Variants in MAGI1 observed in about 807,000 individuals in gnomAD.
MAGI1 encodes the protein membrane-associated guanylate kinase, WW and PDZ domain-containing protein 1.
A neutral mutation model predicts 139.9 loss-of-function variants in MAGI1; 58 were observed. The ratio of observed to expected loss-of-function variants is 0.41; its 90% CI spans 0.34 to 0.52. The LOEUF (loss-of-function observed/expected upper bound fraction) is 0.52. Ranked by LOEUF, MAGI1 falls within the 20% of genes least tolerant of loss-of-function variation. MAGI1 has a pLI of 0.12. For missense variants in MAGI1, 1,874 were observed against 1,901.6 expected (o/e 0.99, Z 0.27); for synonymous variants, 812 against 737.9 (o/e 1.10, Z -1.63).
chr3:65,973,000 G>T lies in MAGI1; in HGVS notation c.313+64996C>A, dbSNP rs565593303. On this transcript the variant is annotated intron_variant, in intron 1 of 22. Coordinates refer to ENST00000402939, the MANE Select transcript of MAGI1 (RefSeq NM_001033057.2). ...CACTTTTACTCAGATGAAAAGTAAG[G>T]CAGTCCAGGTGTGGTGGCTCACACC... Among the ~76,000 whole-genome samples the T allele has an allele frequency of 1.3e-3, 202 of 151,990 alleles. 5 individuals carry two copies. Among genetic ancestry groups the T allele is most frequent in the South Asian group, 1.7e-3 (8 of 4,800 alleles).
At chr3:65,665,042 A>T (rs1214611650) in intron 1 of MAGI1, among the ~76,000 whole-genome samples, 1 of 152,174 alleles carries the variant, frequency 6.6e-6, no homozygotes, top group Non-Finnish European at 1.5e-5. Flanking sequence ...TTCTAGCCAG[A>T]AGTCTACCTG....
intron 2 of MAGI1, among the ~76,000 whole-genome samples, chr3:65,552,858 T>G (rs1056193695): frequency 2.0e-5 from 3 of 152,218 alleles, no homozygotes; most frequent in African/African-American, 4.8e-5. Flanking sequence ...GGTTTAATTA[T>G]GAGATGAATT....
chr3:65,781,301 C>G (rs892404510), intron 1 of MAGI1, among the ~76,000 whole-genome samples: 5 of 152,334 alleles, frequency 3.3e-5, no homozygotes, highest in African/African-American at 7.2e-5. Flanking sequence ...TACAAGATAT[C>G]TGACAGCATT....
At chr3:65,594,249 T>A (rs1244960521) in intron 2 of MAGI1, among the ~76,000 whole-genome samples, 2 of 152,198 alleles carry the variant, frequency 1.3e-5, no homozygotes, top group African/African-American at 4.8e-5. Context: ...GCCATTTTTA[T>A]CAAATGGAAT....
chr3:65,608,141 G>A (rs79522789), intron 2 of MAGI1, among the ~76,000 whole-genome samples: 5,018 of 152,116 alleles, frequency 0.033, 122 homozygotes, highest in African/African-American at 0.068. Context: ...ATGACAATCC[G>A]ATTAAAAAGA....
chr3:66,006,345 G>C (rs550089644), intron 1 of MAGI1, among the ~76,000 whole-genome samples: 9 of 152,248 alleles, frequency 5.9e-5, no homozygotes, highest in African/African-American at 2.2e-4. Context: ...ACAGAAAGTT[G>C]CCCAGCATTT....
At chr3:65,977,362 C>A (rs1015009753) in intron 1 of MAGI1, among the ~76,000 whole-genome samples, 2 of 152,118 alleles carry the variant, frequency 1.3e-5, no homozygotes, top group Non-Finnish European at 2.9e-5. Context: ...CCCAGAACAG[C>A]GTATTCGAAA....
At chr3:65,786,527 T>A (rs1049110580) in intron 1 of MAGI1, among the ~76,000 whole-genome samples, 1 of 151,864 alleles carries the variant, frequency 6.6e-6, no homozygotes, top group African/African-American at 2.4e-5. Context: ...GGTCTTGAAC[T>A]CCTGGGCTTA....
At chr3:65,396,013 G>A (rs1237203884) in intron 13 of MAGI1, among the ~76,000 whole-genome samples, 2 of 152,132 alleles carry the variant, frequency 1.3e-5, no homozygotes, top group South Asian at 2.1e-4. Flanking sequence ...AAAAGAACAA[G>A]TGAGGTCAGA....
intron 1 of MAGI1, among the ~76,000 whole-genome samples, chr3:65,802,846 A>AGTGTGTGTG (rs2040599604): frequency 1.3e-5 from 1 of 79,452 alleles, no homozygotes; most frequent in Non-Finnish European, 2.6e-5. Context: ...AGATCATCTC[A>AGTGTGTGTG]TCTGTGTGTG....
At chr3:65,764,668 C>T (rs1475441603) in intron 1 of MAGI1, among the ~76,000 whole-genome samples, 1 of 152,198 alleles carries the variant, frequency 6.6e-6, no homozygotes, top group Non-Finnish European at 1.5e-5. Context: ...ATCTACCATC[C>T]ACCATAAATC....
intron 2 of MAGI1, among the ~76,000 whole-genome samples, chr3:65,542,948 ATC>A (rs1361649551): frequency 1.3e-5 from 2 of 152,184 alleles, no homozygotes; most frequent in Admixed American, 6.5e-5. Context: ...AGAAACTACC[ATC>A]AGAGTGAACA....
intron 8 of MAGI1, among the ~76,000 whole-genome samples, chr3:65,441,642 CA>C (rs1027864376): frequency 3.3e-5 from 5 of 152,126 alleles, no homozygotes; most frequent in Non-Finnish European, 7.4e-5. Flanking sequence ...CTTCAAATAG[CA>C]AAAACCCCAC....
intron 5 of MAGI1, among the ~76,000 whole-genome samples, chr3:65,466,208 T>C (rs1950162970): frequency 6.6e-6 from 1 of 152,214 alleles, no homozygotes; most frequent in Admixed American, 6.5e-5. Context: ...ATCTGTTAGG[T>C]AATTCTAACA....
chr3:65,904,847 C>A (rs1575957491), intron 1 of MAGI1, among the ~76,000 whole-genome samples: 1 of 152,150 alleles, frequency 6.6e-6, no homozygotes, highest in Non-Finnish European at 1.5e-5. Context: ...GGAGGGTGAC[C>A]AGGCACATAA....
intron 1 of MAGI1, among the ~76,000 whole-genome samples, chr3:65,680,546 C>A (rs1374960801): frequency 2.0e-5 from 3 of 152,110 alleles, no homozygotes; most frequent in African/African-American, 7.2e-5. Context: ...TCCTGAGGAG[C>A]TGGGACTACA....
chr3:65,919,871 A>G, intron 1 of MAGI1, among the ~76,000 whole-genome samples: 1 of 152,218 alleles, frequency 6.6e-6, no homozygotes, highest in African/African-American at 2.4e-5. Context: ...TTAGCCAGAC[A>G]TCACAGACCT....
chr3:65,409,071 C>T (rs1945575297), intron 12 of MAGI1, among the ~76,000 whole-genome samples: 1 of 152,064 alleles, frequency 6.6e-6, no homozygotes, highest in Non-Finnish European at 1.5e-5. Context: ...TTGAAGAGAC[C>T]GTATTTGAGC....
chr3:65,391,048 C>T, intron 14 of MAGI1, 94 bp downstream of exon 14: 5 of 1,091,072 alleles, frequency 4.6e-6, no homozygotes, highest in Admixed American at 4.2e-5. Flanking sequence ...ACCCAGTTTA[C>T]ACACTGCAAC....
Sources: allele counts gnomAD v4.1 joint callset (sites outside exome capture counted in the v4.1 genomes callset), GRCh38; gene constraint gnomAD v4.1.1; transcripts MANE v1.5; gene names NCBI Gene and HGNC (gene_info 2026-07-23, HGNC 2026-07-21).